Variants in DNAH1 observed in about 807,000 individuals in gnomAD.
DNAH1 encodes the protein dynein axonemal heavy chain 1, also known as axonemal beta dynein heavy chain 1.
DNAH1 carries 327 observed loss-of-function variants against 484.3 expected under a neutral mutation model. That is an observed-to-expected ratio of 0.68 (90% CI 0.62 to 0.74). The LOEUF (loss-of-function observed/expected upper bound fraction) is 0.74. Ranked by LOEUF, DNAH1 falls within the 30% of genes least tolerant of loss-of-function variation. The pLI is 0.00. For missense variants in DNAH1, 5,052 were observed against 5,546.8 expected (o/e 0.91, Z 2.83); for synonymous variants, 2,192 against 2,191.9 (o/e 1.00, Z 0.00).
chr3:52,389,905 A>G (rs918341932), intron 60 of DNAH1, among the ~76,000 whole-genome samples: 4 of 152,158 alleles, frequency 2.6e-5, no homozygotes, highest in Non-Finnish European at 4.4e-5. Flanking sequence ...TGAGGTCAGG[A>G]GTTAGAGACC....
At position 52,400,457 on chromosome 3, in the gene DNAH1, A is replaced by C; in HGVS notation, c.*11A>C. On this transcript the variant is annotated 3_prime_UTR_variant, in exon 78 of 78. Coordinates refer to ENST00000420323, the MANE Select transcript of DNAH1 (RefSeq NM_015512.5). ...GCCCTGGACTACTAGACTCAGACAG[A>C]AGGGCTGGGGCCATTAAAGCTGAAT... 2.5e-6 allele frequency: 4 copies of C among 1,613,984 alleles called. No individual in the cohort carries two copies. The highest frequency in any genetic ancestry group is 3.4e-6 in the Non-Finnish European group (4 of 1,179,848).
intron 41 of DNAH1, 101 bp downstream of exon 41, chr3:52,370,926 G>A: frequency 1.8e-6 from 2 of 1,141,406 alleles, no homozygotes; most frequent in South Asian, 1.4e-5. Flanking sequence ...TCACATTGAT[G>A]GCCACCAGGT....
chr3:52,323,535 C>G (rs961740304), intron 2 of DNAH1, among the ~76,000 whole-genome samples: 1 of 152,168 alleles, frequency 6.6e-6, no homozygotes, highest in Non-Finnish European at 1.5e-5. Context: ...GGCTCAGCCC[C>G]GGGATGCACT....
upstream of DNAH1, among the ~76,000 whole-genome samples, chr3:52,315,807 C>A (rs111802566): frequency 2.0e-4 from 31 of 152,304 alleles, 1 homozygote; most frequent in Middle Eastern, 3.4e-3. Flanking sequence ...TGAACCCTTG[C>A]GCAGCCATGG....
intron 44 of DNAH1, chr3:52,373,998 C>G: frequency 9.2e-7 from 1 of 1,091,376 alleles, no homozygotes; most frequent in Non-Finnish European, 1.4e-6. Flanking sequence ...TTTTTAGAGT[C>G]TGCAGATTTC....
rs764388004 is a variant in DNAH1 at position 52,358,935 on chromosome 3, C to G, written c.4266+198C>G. ...ACTCCTAATCATCGGGATGGCTGTTCTGGTTCCCAGCACTCACTGGGTGCC... is the reference window on the plus strand; with the variant it reads ...ACTCCTAATCATCGGGATGGCTGTTGTGGTTCCCAGCACTCACTGGGTGCC... On this transcript the variant is annotated intron_variant, in intron 25 of 77. Coordinates refer to ENST00000420323, the MANE Select transcript of DNAH1 (RefSeq NM_015512.5). The surrounding 1 kb of genome is among the most constrained non-coding windows in gnomAD (Gnocchi z 4.2). 2.0e-5 allele frequency among the ~76,000 whole-genome samples: 3 copies of G among 152,172 alleles called. No homozygotes were observed. Among genetic ancestry groups the G allele is most frequent in the Non-Finnish European group, 2.9e-5 (2 of 68,038 alleles).
rs529660203 is a variant in DNAH1 at position 52,365,058 on chromosome 3, C to T, written c.5518+39C>T. 4 of 1,579,472 alleles carry T rather than the reference C, an allele frequency of 2.5e-6. No individual in the cohort carries two copies. In the South Asian group the frequency reaches 3.5e-5, roughly 14 times the overall value. ...CCTGAGTGTTCGTGGAGGGGCTGGCCATGGCCACCTTGGAGTCCAGGTCAG... is the reference window on the plus strand; with the variant it reads ...CCTGAGTGTTCGTGGAGGGGCTGGCTATGGCCACCTTGGAGTCCAGGTCAG... On this transcript the variant is annotated intron_variant, in intron 34 of 77. Transcript: ENST00000420323.
At position 52,382,442 on chromosome 3, in the gene DNAH1, TCTC is replaced by T; in HGVS notation, c.7929_7931del (p.Phe2643_Ser2644delinsLeu). 1 of 1,613,790 alleles carries T rather than the reference TCTC, an allele frequency of 6.2e-7. No individual in the cohort carries two copies. The highest frequency in any genetic ancestry group is 8.5e-7 in the Non-Finnish European group (1 of 1,179,730). On this transcript the variant is annotated inframe_deletion, in exon 50 of 78. Coordinates refer to ENST00000420323, the MANE Select transcript of DNAH1 (RefSeq NM_015512.5). ...CAGAACCTACCCATCACCTTCCTCT[TCTC>T]AGACACCCAGGTGCCACTGCCACAG...
At chr3:52,346,209 C>G (rs2153223768) in intron 10 of DNAH1, among the ~76,000 whole-genome samples, 1 of 152,346 alleles carries the variant, frequency 6.6e-6, no homozygotes. Context: ...TCGCTCACGG[C>G]TGGAGGGAAA....
chr3:52,399,274 C>T (rs1311055400), intron 76 of DNAH1, 73 bp downstream of exon 76: 31 of 1,458,422 alleles, frequency 2.1e-5, no homozygotes, highest in South Asian at 1.5e-4. Flanking sequence ...TCTGAGGCCA[C>T]GGTTGGTTGG....
At chr3:52,316,871 A>G (rs1700967536) in intron 1 of DNAH1, among the ~76,000 whole-genome samples, 1 of 152,208 alleles carries the variant, frequency 6.6e-6, no homozygotes, top group South Asian at 2.1e-4. Flanking sequence ...CATCTGTGAA[A>G]TGGGGCCAGT....
Position 52,361,123 on chromosome 3 carries a change from G to A in DNAH1, c.4686-41G>A. Reference sequence around the variant, plus strand: ...ATTCCAAGGAAAGGGGGAGTGTCCAGGCCATGTGCGGCCCGAGCCCACCTC... The same window carrying A: ...ATTCCAAGGAAAGGGGGAGTGTCCAAGCCATGTGCGGCCCGAGCCCACCTC... On this transcript the variant is annotated intron_variant, in intron 28 of 77. Coordinates refer to ENST00000420323, the MANE Select transcript of DNAH1 (RefSeq NM_015512.5). This position sits in a 1 kb window ranked among gnomAD's most constrained non-coding sequence, Gnocchi z 5.6. 6.8e-7 allele frequency: 1 copy of A among 1,477,130 alleles called. No individual in the cohort carries two copies. The highest frequency in any genetic ancestry group is 9.0e-7 in the Non-Finnish European group (1 of 1,113,942). The allele number at this position is 1,477,130 out of a possible 1,614,324, so 91.5% of individuals were successfully genotyped here.
At chr3:52,357,350 G>A (rs1205590184) in intron 22 of DNAH1, among the ~76,000 whole-genome samples, 2 of 152,090 alleles carry the variant, frequency 1.3e-5, no homozygotes, top group South Asian at 2.1e-4. Context: ...CACCATGCCC[G>A]GCCCATATTA....
Position 52,378,672 on chromosome 3 carries a change from C to T in DNAH1, c.7269C>T (p.Ile2423=). 1 of 1,613,798 alleles carries T rather than the reference C, an allele frequency of 6.2e-7. No individual in the cohort carries two copies. Among genetic ancestry groups the T allele is most frequent in the South Asian group, 1.1e-5 (1 of 91,072 alleles). The change falls in exon 47 of 78, where the codon ATC becomes ATT. Residue 2423 remains isoleucine (I), a synonymous_variant. Transcript: ENST00000420323. Reference sequence around the variant, plus strand: ...CCACCATCATGGTGTATGCAACCATCACCTCCCAGCTGCTGCCCACTCCAG... The same window carrying T: ...CCACCATCATGGTGTATGCAACCATTACCTCCCAGCTGCTGCCCACTCCAG... ...VEATIMVYAT[I]TSQLLPTPAK... is the part of the protein sequence containing the mutation.
At position 52,392,512 on chromosome 3, in the gene DNAH1, C is replaced by T. The variant is rs374805411; in HGVS notation, c.10101C>T (p.Pro3367=). The T allele has an allele frequency of 3.1e-5, 50 of 1,613,818 alleles. No homozygotes were observed. Among genetic ancestry groups the T allele is most frequent in the Non-Finnish European group, 4.1e-5 (48 of 1,179,880 alleles). Residue 3367 remains proline (P), a synonymous_variant, in exon 64 of 78, where the codon CCC becomes CCT. Transcript: ENST00000420323. ...GCCAGGTAGTGGCAGAGGAGCGACC[C>T]GACCTGGAGGAGGCCAAGAACCAGC... is the stretch of plus-strand genomic sequence containing the variant. ...LLGQVVAEER[P]DLEEAKNQLI...
intron 26 of DNAH1, 86 bp downstream of exon 26, chr3:52,359,472 T>G: frequency 6.6e-7 from 1 of 1,507,358 alleles, no homozygotes; most frequent in Non-Finnish European, 8.9e-7. Flanking sequence ...CTTTCTCCTA[T>G]AGTGAGCCTG....
Position 52,370,765 on chromosome 3 carries a change from G to A in DNAH1, c.6465G>A (p.Leu2155=), listed in dbSNP as rs1199650567. The A allele has an allele frequency of 1.9e-6, 3 of 1,608,210 alleles. No individual in the cohort carries two copies. In the Admixed American group the frequency reaches 5.1e-5, roughly 27 times the overall value. ...PEEGLVFDYR[L]EDAGISGTND... ...AGGGGCTGGTGTTCGATTACAGGCT[G>A]GAGGACGCGGGCATCAGTGGCACCA... Residue 2155 remains leucine, a synonymous_variant, in exon 41 of 78, where the codon CTG becomes CTA. Transcript: ENST00000420323.
intron 8 of DNAH1, among the ~76,000 whole-genome samples, chr3:52,333,357 TCTTTTCTTTTC>T (rs1026794410): frequency 2.0e-5 from 3 of 151,974 alleles, no homozygotes; most frequent in East Asian, 1.9e-4. Context: ...TTTTTCTTTT[TCTTTTCTTTTC>T]CTTTTCTTTT....
At chr3:52,340,600 A>G (rs188068375) in intron 8 of DNAH1, among the ~76,000 whole-genome samples, 16 of 151,560 alleles carry the variant, frequency 1.1e-4, no homozygotes, top group Admixed American at 1.1e-3. Context: ...ACGCCTAGCT[A>G]ATTTTTGTAT....
Sources: gnomAD v4.1 joint callset for allele counts (sites outside exome capture counted in the v4.1 genomes callset) on GRCh38, gnomAD v4.1.1 for gene constraint, Gnocchi (gnomAD v3.1) non-coding constraint, MANE v1.5 for transcripts, NCBI Gene and HGNC (gene_info 2026-07-23, HGNC 2026-07-21) for gene names.